Variants in ATP13A3 observed in about 807,000 individuals in gnomAD.
ATP13A3 encodes the protein polyamine-transporting ATPase 13A3.
Under a neutral mutation model 158.1 loss-of-function variants are expected in ATP13A3, and 59 were observed. The ratio of observed to expected loss-of-function variants is 0.37; its 90% CI spans 0.30 to 0.46. The LOEUF is 0.46. Ranked by LOEUF, ATP13A3 falls within the 20% of genes least tolerant of loss-of-function variation. ATP13A3 has a pLI of 1.00. For missense variants in ATP13A3, 1,166 were observed against 1,525.2 expected (o/e 0.76, Z 3.92); for synonymous variants, 491 against 504.3 (o/e 0.97, Z 0.35).
chr3:194,459,431 G>T (rs777645008), intron 6 of ATP13A3, 40 bp downstream of exon 6: 2 of 1,339,576 alleles, frequency 1.5e-6, no homozygotes, highest in Non-Finnish European at 2.1e-6. Flanking sequence ...ACGTTTTCAG[G>T]ATATTCAAAA....
At chr3:194,473,452 A>G (rs1455359772) in intron 2 of ATP13A3, among the ~76,000 whole-genome samples, 1 of 151,596 alleles carries the variant, frequency 6.6e-6, no homozygotes, top group East Asian at 1.9e-4. Context: ...GTATAAAATT[A>G]TATGGTAAGA....
chr3:194,410,976 AC>A (rs1715381824), intron 33 of ATP13A3, among the ~76,000 whole-genome samples: 1 of 146,092 alleles, frequency 6.8e-6, no homozygotes, highest in Non-Finnish European at 1.5e-5. Flanking sequence ...GTGTGTATAC[AC>A]AGATGAGATT....
intron 21 of ATP13A3, among the ~76,000 whole-genome samples, chr3:194,433,433 C>T (rs968699220): frequency 6.6e-6 from 1 of 151,922 alleles, no homozygotes; most frequent in Middle Eastern, 3.4e-3. Context: ...TTAGTAGAGA[C>T]GGGGTTTCAC....
Position 194,417,475 on chromosome 3 carries a change from G to A in ATP13A3, c.3402+2404C>T, listed in dbSNP as rs75086971. Among the ~76,000 whole-genome samples the A allele has an allele frequency of 2.6e-3, 389 of 149,348 alleles. 2 individuals are homozygous for A. The highest frequency in any genetic ancestry group is 9.1e-3 in the African/African-American group (367 of 40,484). On this transcript the variant is annotated intron_variant, in intron 31 of 33. Transcript: ENST00000645319. The stretch of plus-strand genomic sequence containing the variant: ...GAGGAAGAAGGAAAGCTCAAGCACA[G>A]CCAAAAAGGTCATGATGAACAACAA...
At chr3:194,435,564 AG>A (rs1436721741) in intron 20 of ATP13A3, among the ~76,000 whole-genome samples, 9 of 152,168 alleles carry the variant, frequency 5.9e-5, no homozygotes, top group Admixed American at 5.9e-4. Flanking sequence ...CCTCAGCACA[AG>A]GAACAGTCTA....
chr3:194,408,627 A>C (rs953926009), intron 33 of ATP13A3, among the ~76,000 whole-genome samples: 8 of 152,212 alleles, frequency 5.3e-5, no homozygotes, highest in Non-Finnish European at 1.2e-4. Context: ...TCACAACCCT[A>C]TTACAAACAG....
intron 2 of ATP13A3, among the ~76,000 whole-genome samples, chr3:194,464,660 C>A (rs1204293386): frequency 1.3e-5 from 2 of 152,206 alleles, no homozygotes; most frequent in Non-Finnish European, 2.9e-5. Flanking sequence ...CTGACACTGT[C>A]CCTGCTAAAG....
At chr3:194,481,180 C>A (rs1327834140) in intron 2 of ATP13A3, among the ~76,000 whole-genome samples, 1 of 147,778 alleles carries the variant, frequency 6.8e-6, no homozygotes, top group African/African-American at 2.5e-5. Flanking sequence ...TCTTTTATAT[C>A]AAAATAAATA....
At chr3:194,453,681 A>T (rs1417922064) in intron 10 of ATP13A3, 25 bp downstream of exon 10, 1 of 1,581,542 alleles carries the variant, frequency 6.3e-7, no homozygotes, top group African/African-American at 1.3e-5. Flanking sequence ...TTTTTGATTT[A>T]TTCTTCCAAC....
intron 32 of ATP13A3, 113 bp downstream of exon 32, chr3:194,413,646 A>C (rs1473776508): frequency 2.1e-6 from 2 of 955,590 alleles, no homozygotes; most frequent in Admixed American, 3.7e-5. Context: ...CTGAGATGAA[A>C]CTGAGACTCT....
chr3:194,482,458 T>G (rs1239066729), intron 2 of ATP13A3, among the ~76,000 whole-genome samples: 1 of 152,216 alleles, frequency 6.6e-6, no homozygotes, highest in Non-Finnish European at 1.5e-5. Context: ...TGATTAACTG[T>G]GGACCTTCTT....
At chr3:194,488,930 C>T (rs1721111430), upstream of ATP13A3, among the ~76,000 whole-genome samples, 1 of 152,224 alleles carries the variant, frequency 6.6e-6, no homozygotes, top group African/African-American at 2.4e-5. The surrounding 1 kb of genome is among the most constrained non-coding windows in gnomAD (Gnocchi z 4.1). Context: ...AATTGCCTGC[C>T]AGGCAGCTCT....
At chr3:194,409,937 G>A (rs938671195) in intron 33 of ATP13A3, among the ~76,000 whole-genome samples, 1 of 151,814 alleles carries the variant, frequency 6.6e-6, no homozygotes. Flanking sequence ...ATGTCACTTT[G>A]TGCTGGGAGG....
chr3:194,471,124 G>T (rs74711601), intron 2 of ATP13A3, among the ~76,000 whole-genome samples: 1 of 151,918 alleles, frequency 6.6e-6, no homozygotes, highest in Non-Finnish European at 1.5e-5. Flanking sequence ...AAACTTGTAG[G>T]AACCTTTGAA....
intron 2 of ATP13A3, among the ~76,000 whole-genome samples, chr3:194,474,051 T>C (rs1720422809): frequency 1.3e-5 from 2 of 152,244 alleles, no homozygotes; most frequent in Admixed American, 6.5e-5. Flanking sequence ...TTCAAATTCC[T>C]CTGCATCTTT....
Position 194,412,228 on chromosome 3 carries a change from A to G in ATP13A3, c.3544T>C (p.Tyr1182His), listed in dbSNP as rs770045972. 8 of 1,536,268 alleles carry G rather than the reference A, an allele frequency of 5.2e-6. No individual in the cohort carries two copies. The South Asian group carries it at 8.3e-5, about 16-fold the overall frequency. Residue 1182 changes from tyrosine to histidine, a missense_variant, in exon 33 of 34, where the codon TAT becomes CAT. By Grantham distance (83) the Tyr-to-His change is moderately conservative. Transcript: ENST00000645319. ...VVFNRDKQGE[Y>H]RFSTTQPPQE... ...GGTGGCTGTGTGGTGCTGAACCGATACTCTCCTTGTTTGTCTCGGTTGAAC... is the reference window on the plus strand; with the variant it reads ...GGTGGCTGTGTGGTGCTGAACCGATGCTCTCCTTGTTTGTCTCGGTTGAAC...
At chr3:194,454,567 G>T (rs573992102) in intron 8 of ATP13A3, among the ~76,000 whole-genome samples, 175 bp from the exon 9 acceptor site, 18 of 152,178 alleles carry the variant, frequency 1.2e-4, no homozygotes, top group Non-Finnish European at 1.5e-4. Flanking sequence ...GGTGGCTCAC[G>T]CCTGTAATCC....
Position 194,427,995 on chromosome 3 carries a change from C to A in ATP13A3, c.2948-743G>T, listed in dbSNP as rs578154160. ...CAGCAATTTGGGAGGCCGAGGCGGG[C>A]GGACCACTTGAGGTCAGGAGTTAGA... On this transcript the variant is annotated intron_variant, in intron 28 of 33. Transcript: ENST00000645319. 1.8e-4 allele frequency among the ~76,000 whole-genome samples: 28 copies of A among 152,018 alleles called. No individual in the cohort carries two copies. The South Asian group carries it at 3.3e-3, about 18-fold the overall frequency.
At chr3:194,422,002 A>T (rs1490138813) in intron 30 of ATP13A3, among the ~76,000 whole-genome samples, 1 of 150,662 alleles carries the variant, frequency 6.6e-6, no homozygotes, top group African/African-American at 2.5e-5. Flanking sequence ...CTACCTAAAC[A>T]ATGTTTGTTT....
Sources: allele counts gnomAD v4.1 joint callset (sites outside exome capture counted in the v4.1 genomes callset), GRCh38; gene constraint gnomAD v4.1.1; non-coding constraint Gnocchi (gnomAD v3.1); transcripts MANE v1.5; gene names NCBI Gene and HGNC (gene_info 2026-07-23, HGNC 2026-07-21).